DYNC2H1: variants seen among roughly 807,000 people sequenced by gnomAD.
DYNC2H1 encodes the protein cytoplasmic dynein 2 heavy chain 1.
A neutral mutation model predicts 570.0 loss-of-function variants in DYNC2H1; 410 were observed. The ratio of observed to expected loss-of-function variants is 0.72; its 90% CI spans 0.66 to 0.78. DYNC2H1 has a LOEUF of 0.78. Ranked by LOEUF, DYNC2H1 falls within the 30% of genes least tolerant of loss-of-function variation. The pLI, the probability that DYNC2H1 is intolerant of heterozygous loss-of-function variation, is 0.00. For synonymous variants in DYNC2H1, 1,688 were observed against 1,677.6 expected, an observed-to-expected ratio of 1.01 and a Z score of -0.15; for missense variants, 4,865 against 5,046.4, an observed-to-expected ratio of 0.96 and a Z score of 1.09.
chr11:103,348,637 T>C (rs2408592), intron 82 of DYNC2H1, among the ~76,000 whole-genome samples: 72,953 of 152,064 alleles, frequency 0.48, 19,403 homozygotes, highest in Admixed American at 0.59. Flanking sequence ...GAGCTTTTCC[T>C]TTTTATTGCT....
Position 103,199,591 on chromosome 11 carries a change from AAG to A in DYNC2H1, c.8088+117_8088+118del. 6 of 1,003,628 alleles carry A rather than the reference AAG, an allele frequency of 6.0e-6. No individual in the cohort carries two copies. The highest frequency in any genetic ancestry group is 2.8e-5 in the East Asian group (1 of 36,032). The allele number at this position is 1,003,628 out of a possible 1,614,324, so 62.2% of individuals were successfully genotyped here. A position where few individuals can be genotyped will look rare whatever the true frequency, so the allele number is the denominator to read the frequency against. On this transcript the variant is annotated intron_variant, in intron 49 of 88. Transcript: ENST00000375735. This position sits in a 1 kb window ranked among gnomAD's most constrained non-coding sequence, Gnocchi z 4.6. ...ACTAAAGTTTTAAAGAACATCTTTA[AAG>A]AACTAAAGTTCTCTGTTATACAATG... is the stretch of plus-strand genomic sequence containing the variant.
chr11:103,148,566 A>C lies in DYNC2H1; in HGVS notation c.2895A>C (p.Glu965Asp). 1 of 1,570,418 alleles carries C rather than the reference A, an allele frequency of 6.4e-7. No homozygotes were observed. The highest frequency in any genetic ancestry group is 8.6e-7 in the Non-Finnish European group (1 of 1,156,144). ...CAATTATGCCCCAGTCTGTGGAAGAAATTGGTGATGCAAATCTACAATATA... is the reference window on the plus strand; with the variant it reads ...CAATTATGCCCCAGTCTGTGGAAGACATTGGTGATGCAAATCTACAATATA... ...VLTIMPQSVEEIGDANLQYSK... is the reference protein window; with the variant it reads ...VLTIMPQSVEDIGDANLQYSK... Residue 965 changes from glutamate to aspartate, a missense_variant, in exon 20 of 89, where the codon GAA becomes GAC. Physicochemically the swap from Glu to Asp is conservative, Grantham distance 45 (BLOSUM62 2). Coordinates refer to ENST00000375735, the MANE Select transcript of DYNC2H1 (RefSeq NM_001377.3).
rs201076231 is a variant in DYNC2H1, at chr11:103,399,759, C to A, written c.12253C>A (p.Arg4085Ser). The change falls in exon 84 of 89, where the codon CGT (arginine) becomes AGT (serine). Residue 4085 changes from arginine to serine, a missense_variant. Arg to Ser is a moderately radical substitution (Grantham distance 110). Coordinates refer to ENST00000375735, the MANE Select transcript of DYNC2H1 (RefSeq NM_001377.3). ...FIILEQFNAIRLVQSVHQSLA... is the reference protein window; with the variant it reads ...FIILEQFNAISLVQSVHQSLA... ...CATTCTTGAACAATTTAATGCTATT[C>A]GTTTAGTACAAAGTGTCCACCAGTC... 1 of 1,613,716 alleles carries A rather than the reference C, an allele frequency of 6.2e-7. No homozygotes were observed. The highest frequency in any genetic ancestry group is 1.7e-5 in the Admixed American group (1 of 59,996).
Position 103,423,039 on chromosome 11 carries a change from G to A in DYNC2H1, c.12367-12904G>A, listed in dbSNP as rs6591022. On this transcript the variant is annotated intron_variant, in intron 84 of 88. Transcript: ENST00000375735. ...TTTTCTTTTTGCAAAAATGCAAAGG[G>A]TCTACTGTAGACCGTTTTATGAAAA... 2.1e-5 allele frequency among the ~76,000 whole-genome samples: 3 copies of A among 144,860 alleles called. No individual in the cohort carries two copies. The East Asian group carries it at 6.2e-4, about 30-fold the overall frequency.
chr11:103,371,876 A>G (rs1385614864), intron 83 of DYNC2H1, among the ~76,000 whole-genome samples: 1 of 143,314 alleles, frequency 7.0e-6, no homozygotes, highest in Non-Finnish European at 1.5e-5. Flanking sequence ...TGTATATAAG[A>G]TCATGTTGTC....
intron 83 of DYNC2H1, among the ~76,000 whole-genome samples, chr11:103,381,048 A>C (rs1941623420): frequency 6.6e-6 from 1 of 152,208 alleles, no homozygotes; most frequent in Admixed American, 6.5e-5. Flanking sequence ...AGAAGGGAGC[A>C]TGGAGGTGAT....
intron 82 of DYNC2H1, among the ~76,000 whole-genome samples, chr11:103,339,996 AAC>A (rs1195852155): frequency 6.6e-6 from 1 of 152,156 alleles, no homozygotes; most frequent in African/African-American, 2.4e-5. Context: ...TGCTCTTCCA[AAC>A]ACATAGATTC....
rs1424568169 is a variant in DYNC2H1 at position 103,128,906 on chromosome 11, G to A, written c.1858-4G>A. On this transcript the variant is annotated splice_region_variant and splice_polypyrimidine_tract_variant and intron_variant, in intron 12 of 88. Transcript: ENST00000375735. Reference sequence around the variant, plus strand: ...TTATTACTAATTGGACTTTTACTTTGTAGGTGGCACATTTTTATAATTCTA... The same window carrying A: ...TTATTACTAATTGGACTTTTACTTTATAGGTGGCACATTTTTATAATTCTA... 3.8e-6 allele frequency: 6 copies of A among 1,573,630 alleles called. No individual in the cohort carries two copies. The highest frequency in any genetic ancestry group is 1.9e-5 in the Admixed American group (1 of 52,590).
intron 61 of DYNC2H1, among the ~76,000 whole-genome samples, chr11:103,234,844 C>A (rs1202731567): frequency 6.6e-6 from 1 of 151,816 alleles, no homozygotes; most frequent in Non-Finnish European, 1.5e-5. Flanking sequence ...AAATTATTTT[C>A]TTTTTCTTAT....
intron 83 of DYNC2H1, among the ~76,000 whole-genome samples, chr11:103,384,366 C>T (rs975153275): frequency 6.6e-6 from 1 of 151,952 alleles, no homozygotes; most frequent in African/African-American, 2.4e-5. Flanking sequence ...CTAATTTATA[C>T]TTTTAACGTT....
At chr11:103,468,396 G>A (rs1945265182) in intron 87 of DYNC2H1, 193 bp from the exon 88 acceptor site, 2 of 426,268 alleles carry the variant, frequency 4.7e-6, no homozygotes, top group South Asian at 1.2e-4. Context: ...TGAGAAATCA[G>A]TCTCAAAGAA....
chr11:103,221,412 A>C (rs1863582990), intron 57 of DYNC2H1, among the ~76,000 whole-genome samples: 2 of 152,334 alleles, frequency 1.3e-5, no homozygotes, highest in South Asian at 4.1e-4. Context: ...AAAAGGAGTC[A>C]GACAATTTTC....
intron 47 of DYNC2H1, among the ~76,000 whole-genome samples, chr11:103,194,730 T>A (rs980545798): frequency 1.3e-5 from 2 of 152,126 alleles, no homozygotes; most frequent in African/African-American, 4.8e-5. Context: ...TTTTTTTTTT[T>A]AATTTGAGAC....
intron 84 of DYNC2H1, among the ~76,000 whole-genome samples, chr11:103,429,179 T>G (rs1251994773): frequency 1.3e-5 from 2 of 152,002 alleles, no homozygotes; most frequent in East Asian, 1.9e-4. Context: ...GAGGATCACC[T>G]GAGCCTGGGA....
In DYNC2H1 at chr11:103,189,559, A is replaced by C. The variant is rs994271876; in HGVS notation, c.7293-113A>C. 1.1e-5 allele frequency: 11 copies of C among 996,140 alleles called. No individual in the cohort carries two copies. In the South Asian group the frequency reaches 1.8e-4, roughly 16 times the overall value. The allele number at this position is 996,140 out of a possible 1,614,324, so 61.7% of individuals were successfully genotyped here. A position where few individuals can be genotyped will look rare whatever the true frequency, so the allele number is the denominator to read the frequency against. On this transcript the variant is annotated intron_variant, in intron 44 of 88. Coordinates refer to ENST00000375735, the MANE Select transcript of DYNC2H1 (RefSeq NM_001377.3). The surrounding 1 kb of genome is among the most constrained non-coding windows in gnomAD (Gnocchi z 4.3). ...AGCCCCCTGGGTAAGCTTTGGAGAT[A>C]TGTAGGTCTTAGAGCAGCACAGTTT...
At chr11:103,391,475 T>C (rs2512136) in intron 83 of DYNC2H1, among the ~76,000 whole-genome samples, 102,752 of 152,052 alleles carry the variant, frequency 0.68, 34,827 homozygotes, top group Admixed American at 0.73. Flanking sequence ...GTTTGATTGT[T>C]TGAAGCCTAC....
At chr11:103,420,811 C>T (rs1943460868) in intron 84 of DYNC2H1, among the ~76,000 whole-genome samples, 1 of 151,940 alleles carries the variant, frequency 6.6e-6, no homozygotes, top group South Asian at 2.1e-4. Flanking sequence ...ATGGAGAAAC[C>T]ACATAAACAA....
rs1354986347 is a variant in DYNC2H1 at position 103,325,730 on chromosome 11, T to G, written c.12039+1740T>G. On this transcript the variant is annotated intron_variant, in intron 82 of 88. Transcript: ENST00000375735. The surrounding 1 kb of genome is among the most constrained non-coding windows in gnomAD (Gnocchi z 4.8). ...CTGTTTCATTTTTGAGCTCTTGGAT[T>G]GATTTACTGGATACCTTGGATTCTT... 1.3e-5 allele frequency among the ~76,000 whole-genome samples: 2 copies of G among 152,224 alleles called. No individual in the cohort carries two copies. The highest frequency in any genetic ancestry group is 2.9e-5 in the Non-Finnish European group (2 of 68,042).
intron 70 of DYNC2H1, among the ~76,000 whole-genome samples, chr11:103,276,160 A>G (rs1471090404): frequency 1.3e-5 from 2 of 151,558 alleles, no homozygotes; most frequent in Non-Finnish European, 2.9e-5. Context: ...TTGTTAATTC[A>G]CTTAATCAAG....
Sources: allele counts gnomAD v4.1 joint callset (sites outside exome capture counted in the v4.1 genomes callset), GRCh38; gene constraint gnomAD v4.1.1; non-coding constraint Gnocchi (gnomAD v3.1); transcripts MANE v1.5; gene names NCBI Gene and HGNC (gene_info 2026-07-23, HGNC 2026-07-21).